COLGALT2: variants seen among roughly 807,000 people sequenced by gnomAD.
COLGALT2 encodes the protein collagen beta(1-O)galactosyltransferase 2, also known as procollagen galactosyltransferase 2.
A neutral mutation model predicts 73.4 loss-of-function variants in COLGALT2; 49 were observed. The observed-to-expected ratio is 0.67, with a 90% CI of 0.53 to 0.85. The LOEUF (loss-of-function observed/expected upper bound fraction) is 0.85, where lower values mean the gene tolerates loss of function less well. Ranked by LOEUF, COLGALT2 falls within the 40% of genes least tolerant of loss-of-function variation. The pLI is 0.00. For missense variants in COLGALT2, 722 were observed against 790.2 expected, an observed-to-expected ratio of 0.91 and a Z score of 1.03; for synonymous variants, 295 against 307.6, an observed-to-expected ratio of 0.96 and a Z score of 0.43.
At position 183,940,533 on chromosome 1, in the gene COLGALT2, A is replaced by G. The variant is rs200271185; in HGVS notation, c.1604+48T>C. 5,896 of 1,516,544 alleles carry G rather than the reference A, an allele frequency of 3.9e-3. 22 individuals carry two copies. Among genetic ancestry groups the G allele is most frequent in the Non-Finnish European group, 5.1e-3 (5,550 of 1,091,318 alleles). The allele number at this position is 1,516,544 out of a possible 1,614,324, so 93.9% of individuals were successfully genotyped here. On this transcript the variant is annotated intron_variant, in intron 11 of 11. Coordinates refer to ENST00000361927, the MANE Select transcript of COLGALT2 (RefSeq NM_015101.4). ...CTACCAGAAATGGAGAGCATAATTC[A>G]TGAAGAGGCTGTGCCCAAGGGAAGG...
At chr1:183,982,567 T>G (rs1257800915) in intron 1 of COLGALT2, among the ~76,000 whole-genome samples, 1 of 152,134 alleles carries the variant, frequency 6.6e-6, no homozygotes, top group East Asian at 1.9e-4. Context: ...AAACAAAAAT[T>G]CCTTATCACA....
At chr1:184,003,891 G>A (rs1671996848) in intron 1 of COLGALT2, among the ~76,000 whole-genome samples, 1 of 152,126 alleles carries the variant, frequency 6.6e-6, no homozygotes, top group African/African-American at 2.4e-5. Flanking sequence ...AATCCCCACT[G>A]AGCACATGTG....
In COLGALT2 at chr1:183,936,939, C is replaced by T; in HGVS notation, c.*1822G>A. On this transcript the variant is annotated 3_prime_UTR_variant, in exon 12 of 12. Transcript: ENST00000361927. ...CCTCTTGTCCTAAAGTGGGGACCCG[C>T]CCCTCACCTGGGGAGATGAGGCTGC... 3 of 1,231,760 alleles carry T rather than the reference C, an allele frequency of 2.4e-6. No individual in the cohort carries two copies. Among genetic ancestry groups the T allele is most frequent in the Non-Finnish European group, 3.0e-6 (3 of 987,980 alleles). 76.3% of individuals were successfully genotyped at this position (1,231,760 alleles called of 1,614,324 possible). A position where few individuals can be genotyped will look rare whatever the true frequency, so the allele number is the denominator to read the frequency against.
At chr1:184,001,356 T>C (rs1671920482) in intron 1 of COLGALT2, among the ~76,000 whole-genome samples, 1 of 152,208 alleles carries the variant, frequency 6.6e-6, no homozygotes, top group Admixed American at 6.5e-5. Flanking sequence ...GGAATCTGGA[T>C]CTGAAGATTG....
At chr1:183,930,033 G>T (rs1669806266) in exon 12 of COLGALT2, 1 of 322,112 alleles carries the variant, frequency 3.1e-6, no homozygotes. Flanking sequence ...AGAGTAAAGA[G>T]AACTCACAAA....
chr1:183,986,940 T>C (rs573061042), intron 1 of COLGALT2, among the ~76,000 whole-genome samples: 2 of 151,808 alleles, frequency 1.3e-5, no homozygotes, highest in East Asian at 3.9e-4. Flanking sequence ...CAACAAAGAG[T>C]AGATGACCAG....
At chr1:184,019,631 TC>T (rs1245850098) in intron 1 of COLGALT2, among the ~76,000 whole-genome samples, 1 of 152,078 alleles carries the variant, frequency 6.6e-6, no homozygotes, top group East Asian at 1.9e-4. Flanking sequence ...GGAATAACAC[TC>T]CATTGTTGAG....
chr1:184,022,036 T>C (rs922535871), intron 1 of COLGALT2, among the ~76,000 whole-genome samples: 2 of 152,208 alleles, frequency 1.3e-5, no homozygotes, highest in Non-Finnish European at 2.9e-5. Flanking sequence ...TGGGGCAGGC[T>C]GTAGCCATGT....
At chr1:184,006,960 T>G (rs542044593) in intron 1 of COLGALT2, among the ~76,000 whole-genome samples, 1 of 152,228 alleles carries the variant, frequency 6.6e-6, no homozygotes, top group Non-Finnish European at 1.5e-5. Context: ...ACTTGGTTGT[T>G]CATTCTAGTT....
chr1:184,008,617 T>C (rs1312584697), intron 1 of COLGALT2, among the ~76,000 whole-genome samples: 6 of 152,090 alleles, frequency 3.9e-5, no homozygotes, highest in Non-Finnish European at 7.4e-5. Flanking sequence ...GTAGTCACAG[T>C]TACTTGGGAG....
chr1:183,942,492 C>A (rs537715577), intron 10 of COLGALT2, among the ~76,000 whole-genome samples: 4 of 152,216 alleles, frequency 2.6e-5, no homozygotes, highest in African/African-American at 9.6e-5. Flanking sequence ...TACTAGAAAA[C>A]TGAAAATGAC....
chr1:183,976,743 T>A (rs1330843055), intron 2 of COLGALT2, among the ~76,000 whole-genome samples: 1 of 152,118 alleles, frequency 6.6e-6, no homozygotes, highest in Non-Finnish European at 1.5e-5. Flanking sequence ...AGAAAAAAAA[T>A]ACATTAATTG....
intron 1 of COLGALT2, among the ~76,000 whole-genome samples, chr1:184,006,209 T>C (rs1361093283): frequency 6.6e-6 from 1 of 152,226 alleles, no homozygotes; most frequent in African/African-American, 2.4e-5. Flanking sequence ...ATTTTTCATT[T>C]TTATAAATAA....
intron 6 of COLGALT2, among the ~76,000 whole-genome samples, chr1:183,962,831 T>C (rs960406824): frequency 1.3e-5 from 2 of 152,226 alleles, no homozygotes; most frequent in East Asian, 3.8e-4. Context: ...AAATTCAACC[T>C]GACATTTCTG....
rs1649735792 is a variant in COLGALT2 at position 184,037,563 on chromosome 1, T to G, written c.-206A>C. On this transcript the variant is annotated 5_prime_UTR_variant, in exon 1 of 12. Coordinates refer to ENST00000361927, the MANE Select transcript of COLGALT2 (RefSeq NM_015101.4). ...CGCCGCTGCACCGCCCAGGCCCCAGTGCGGGTGCGCAGCGTACCTGCAGCC... is the reference window on the plus strand; with the variant it reads ...CGCCGCTGCACCGCCCAGGCCCCAGGGCGGGTGCGCAGCGTACCTGCAGCC... The G allele has an allele frequency of 1.8e-6, 2 of 1,111,832 alleles. No homozygotes were observed. The highest frequency in any genetic ancestry group is 5.4e-5 in the East Asian group (1 of 18,680). 68.9% of individuals were successfully genotyped at this position (1,111,832 alleles called of 1,614,324 possible). A position where few individuals can be genotyped will look rare whatever the true frequency, so the allele number is the denominator to read the frequency against.
intron 1 of COLGALT2, among the ~76,000 whole-genome samples, chr1:183,994,807 T>C (rs1349178911): frequency 2.6e-5 from 4 of 152,186 alleles, no homozygotes; most frequent in Non-Finnish European, 5.9e-5. Flanking sequence ...AGAGATTTCT[T>C]TTTGGTAAGG....
chr1:184,021,459 T>C (rs1453678098), intron 1 of COLGALT2, among the ~76,000 whole-genome samples: 1 of 152,154 alleles, frequency 6.6e-6, no homozygotes, highest in African/African-American at 2.4e-5. Context: ...TTTGTTATCA[T>C]GAGAGCGAGT....
At chr1:184,017,956 G>A (rs1374905177) in intron 1 of COLGALT2, among the ~76,000 whole-genome samples, 1 of 152,098 alleles carries the variant, frequency 6.6e-6, no homozygotes, top group Non-Finnish European at 1.5e-5. Flanking sequence ...ATAATGCTTG[G>A]TAAACAGTAA....
chr1:183,977,836 A>G (rs201777766), intron 2 of COLGALT2, among the ~76,000 whole-genome samples: 3,450 of 131,332 alleles, frequency 0.026, 183 homozygotes, highest in African/African-American at 0.099. Context: ...GAGAGAGAGA[A>G]AGAAGAGAAG....
Sources: allele counts gnomAD v4.1 joint callset (sites outside exome capture counted in the v4.1 genomes callset), GRCh38; gene constraint gnomAD v4.1.1; transcripts MANE v1.5; gene names NCBI Gene and HGNC (gene_info 2026-07-23, HGNC 2026-07-21).